The following SIGLEC10 variants were observed in gnomAD, a reference collection of about 807,000 sequenced individuals.
SIGLEC10 encodes the protein sialic acid binding Ig like lectin 10, also known as sialic acid-binding Ig-like lectin 10.
A neutral mutation model predicts 68.3 loss-of-function variants in SIGLEC10; 45 were observed. The observed-to-expected ratio is 0.66, with a 90% CI of 0.52 to 0.84. SIGLEC10 has a LOEUF of 0.84. SIGLEC10 is among the 40% of genes least tolerant of loss of function. SIGLEC10 has a pLI of 0.00. For missense variants in SIGLEC10, 789 were observed against 883.1 expected, an observed-to-expected ratio of 0.89 and a Z score of 1.35; for synonymous variants, 379 against 370.8, an observed-to-expected ratio of 1.02 and a Z score of -0.26.
rs1012913698 is a variant in SIGLEC10 at position 51,410,854 on chromosome 19, G to T, written c.*245C>A. 2.5e-6 allele frequency: 1 copy of T among 399,780 alleles called. No individual in the cohort carries two copies. The highest frequency in any genetic ancestry group is 2.0e-5 in the African/African-American group (1 of 50,306). 24.8% of individuals were successfully genotyped at this position (399,780 alleles called of 1,614,324 possible). On this transcript the variant is annotated 3_prime_UTR_variant, in exon 11 of 11. Coordinates refer to ENST00000339313, the MANE Select transcript of SIGLEC10 (RefSeq NM_033130.5). ...AGTAGAGACGGGGTTTCACCAAGTT[G>T]GCCAGGCTGGTCTCGAACTCCCGAC...
intron 6 of SIGLEC10, 42 bp from the exon 7 acceptor site, chr19:51,415,480 C>T (rs753863607): frequency 6.2e-7 from 1 of 1,613,406 alleles, no homozygotes; most frequent in Non-Finnish European, 8.5e-7. Flanking sequence ...GCTCAGGGCT[C>T]AGGGACCCTC....
At chr19:51,415,729 G>T in intron 5 of SIGLEC10, 114 bp from the exon 6 acceptor site, 1 of 1,584,332 alleles carries the variant, frequency 6.3e-7, no homozygotes. Context: ...GGGCAGGGCA[G>T]AATCACCCAC....
Position 51,410,578 on chromosome 19 carries a change from GA to G in SIGLEC10, c.*520del, listed in dbSNP as rs1333077079. ...TCACCATGTTGCCCAGGCTGGTCTCGAACTCCTGGGCTCAAGCAATCCACCC... is the reference window on the plus strand; with the variant it reads ...TCACCATGTTGCCCAGGCTGGTCTCGACTCCTGGGCTCAAGCAATCCACCC... On this transcript the variant is annotated 3_prime_UTR_variant, in exon 11 of 11. Transcript: ENST00000339313. 3 of 153,654 alleles carry G rather than the reference GA, an allele frequency of 2.0e-5. No homozygotes were observed. Among genetic ancestry groups the G allele is most frequent in the African/African-American group, 4.8e-5 (2 of 41,328 alleles). 9.5% of individuals were successfully genotyped at this position (153,654 alleles called of 1,614,324 possible). A position where few individuals can be genotyped will look rare whatever the true frequency, so the allele number is the denominator to read the frequency against.
At chr19:51,416,427 A>G in intron 3 of SIGLEC10, 70 bp from the exon 4 acceptor site, 1 of 1,613,212 alleles carries the variant, frequency 6.2e-7, no homozygotes, top group South Asian at 1.1e-5. Context: ...AAACTCCCTC[A>G]GGGAAAAGAA....
chr19:51,416,971 G>T, intron 2 of SIGLEC10, 21 bp from the exon 3 acceptor site: 3 of 1,601,316 alleles, frequency 1.9e-6, no homozygotes, highest in Non-Finnish European at 2.6e-6. Context: ...GACCGTGGTG[G>T]GAGATTCTTG....
At position 51,415,005 on chromosome 19, in the gene SIGLEC10, A is replaced by G; in HGVS notation, c.1434T>C (p.Leu478=). Residue 478 remains leucine, a synonymous_variant, in exon 8 of 11, where the codon CTT becomes CTC. Transcript: ENST00000339313. Reference sequence around the variant, plus strand: ...TGTTCCCCTCCAGCAGCTCCTCCCCAAGCCACCAGCGCAGAGAGGGGGCCG... The same window carrying G: ...TGTTCCCCTCCAGCAGCTCCTCCCCGAGCCACCAGCGCAGAGAGGGGGCCG... ...ASPAPSLRWW[L]GEELLEGNSS... 3 of 1,612,166 alleles carry G rather than the reference A, an allele frequency of 1.9e-6. No homozygotes were observed. Among genetic ancestry groups the G allele is most frequent in the Non-Finnish European group, 2.5e-6 (3 of 1,179,660 alleles).
chr19:51,413,779 C>G lies in SIGLEC10; in HGVS notation c.1754G>C (p.Arg585Thr). The G allele has an allele frequency of 6.2e-7, 1 of 1,614,080 alleles. No individual in the cohort carries two copies. The highest frequency in any genetic ancestry group is 8.5e-7 in the Non-Finnish European group (1 of 1,180,020). The part of the protein sequence containing the change: ...PKRRTQTETP[R>T]PRFSRHSTIL... ...CGTGCTGTGCCGGGAGAACCTGGGC[C>G]TCGGGGTTTCTGTCTGAGTCCGTCT... The change falls in exon 10 of 11, where the codon AGG (arginine) becomes ACG (threonine). Residue 585 changes from arginine to threonine, a missense_variant. Physicochemically the swap from Arg to Thr is moderately conservative, Grantham distance 71. Coordinates refer to ENST00000339313, the MANE Select transcript of SIGLEC10 (RefSeq NM_033130.5).
At position 51,410,962 on chromosome 19, in the gene SIGLEC10, AAAAGAGAGAG is replaced by A. The variant is rs1987936819; in HGVS notation, c.*127_*136del. ...CTGTGCCCTGGCCAGATGTTTTTTT[AAAAGAGAGAG>A]AAAGAGAGAGAGAGAGAGAAAGAGA... On this transcript the variant is annotated 3_prime_UTR_variant, in exon 11 of 11. Coordinates refer to ENST00000339313, the MANE Select transcript of SIGLEC10 (RefSeq NM_033130.5). 3.7e-6 allele frequency: 4 copies of A among 1,093,392 alleles called. No homozygotes were observed. Among genetic ancestry groups the A allele is most frequent in the South Asian group, 3.2e-5 (2 of 62,670 alleles). The allele number at this position is 1,093,392 out of a possible 1,614,324, so 67.7% of individuals were successfully genotyped here. A position where few individuals can be genotyped will look rare whatever the true frequency, so the allele number is the denominator to read the frequency against.
intron 10 of SIGLEC10, among the ~76,000 whole-genome samples, chr19:51,412,328 G>C (rs1988096354): frequency 6.6e-6 from 1 of 151,906 alleles, no homozygotes; most frequent in Non-Finnish European, 1.5e-5. Context: ...GAACTGGCTT[G>C]GTTGTATTTT....
chr19:51,411,820 C>T (rs968123016), intron 10 of SIGLEC10, among the ~76,000 whole-genome samples: 4 of 146,148 alleles, frequency 2.7e-5, no homozygotes, highest in African/African-American at 7.6e-5. Context: ...CACTCCAGCC[C>T]GGACAACAGA....
In SIGLEC10 at chr19:51,415,967, C is replaced by T; in HGVS notation, c.955G>A (p.Gly319Arg). The change falls in exon 5 of 11, where the codon GGG becomes AGG. Residue 319 changes from glycine to arginine, a missense_variant. Physicochemically the swap from Gly to Arg is moderately radical, Grantham distance 125. Coordinates refer to ENST00000339313, the MANE Select transcript of SIGLEC10 (RefSeq NM_033130.5). ...ELPGVKAGDS[G>R]RYTCRAENRL... is the part of the protein sequence containing the mutation. ...TTCTCCGCTCGGCAGGTGTAGCGCCCTGAATCCCCAGCCTTCACCCCGGGC... is the reference window on the plus strand; with the variant it reads ...TTCTCCGCTCGGCAGGTGTAGCGCCTTGAATCCCCAGCCTTCACCCCGGGC... The T allele has an allele frequency of 6.2e-7, 1 of 1,613,662 alleles. No individual in the cohort carries two copies. The highest frequency in any genetic ancestry group is 8.5e-7 in the Non-Finnish European group (1 of 1,180,012).
chr19:51,417,241 C>T lies in SIGLEC10; in HGVS notation c.262G>A (p.Gly88Ser), dbSNP rs1157755914. 1.2e-6 allele frequency: 2 copies of T among 1,614,226 alleles called. No homozygotes were observed. The highest frequency in any genetic ancestry group is 1.7e-5 in the Admixed American group (1 of 60,026). The change falls in exon 2 of 11, where the codon GGC becomes AGC. Residue 88 changes from glycine (G) to serine (S), a missense_variant. By Grantham distance (56) the Gly-to-Ser change is moderately conservative. Transcript: ENST00000339313. Reference sequence around the variant, plus strand: ...GGATCCCCAGTGAGCTGGAATCGGCCCCGGGTGCTCATTTCCACCTCTCGA... The same window carrying T: ...GGATCCCCAGTGAGCTGGAATCGGCTCCGGGTGCTCATTTCCACCTCTCGA... ...QSREVEMSTR[G>S]RFQLTGDPAK... is the part of the protein sequence containing the mutation.
At position 51,416,964 on chromosome 19, in the gene SIGLEC10, C is replaced by T. The variant is rs745642724; in HGVS notation, c.422-14G>A. ...TCTGAGTCAGGGCTGGGACAGAGAC[C>T]GTGGTGGGAGATTCTTGTGCTGCAG... On this transcript the variant is annotated splice_polypyrimidine_tract_variant and intron_variant, in intron 2 of 10. Transcript: ENST00000339313. 4.4e-6 allele frequency: 7 copies of T among 1,603,628 alleles called. No homozygotes were observed. The highest frequency in any genetic ancestry group is 1.7e-5 in the Admixed American group (1 of 59,426).
rs1988208286 is a variant in SIGLEC10, at chr19:51,413,564, T to C, written c.1821+148A>G. On this transcript the variant is annotated intron_variant, in intron 10 of 10. Coordinates refer to ENST00000339313, the MANE Select transcript of SIGLEC10 (RefSeq NM_033130.5). Reference sequence around the variant, plus strand: ...GGTGAGTGACGTGGCTGAGGTCTCATAGCTAGTAAGTGCCAGGCAGGATTT... The same window carrying C: ...GGTGAGTGACGTGGCTGAGGTCTCACAGCTAGTAAGTGCCAGGCAGGATTT... 7 of 666,650 alleles carry C rather than the reference T, an allele frequency of 1.1e-5. No homozygotes were observed. In the South Asian group the frequency reaches 1.3e-4, roughly 12 times the overall value. The allele number at this position is 666,650 out of a possible 1,614,324, so 41.3% of individuals were successfully genotyped here.
chr19:51,414,040 C>T lies in SIGLEC10; in HGVS notation c.1710-217G>A, dbSNP rs560701391. Among the ~76,000 whole-genome samples the T allele has an allele frequency of 4.6e-5, 7 of 152,296 alleles. No homozygotes were observed. In the South Asian group the frequency reaches 1.0e-3, roughly 23 times the overall value. On this transcript the variant is annotated intron_variant, in intron 9 of 10. Transcript: ENST00000339313. This position sits in a 1 kb window ranked among gnomAD's most constrained non-coding sequence, Gnocchi z 4.1. ...GTCAGGGGAAGAAGAAGAGGGTTCCCTGCTACTAGTGAGCCAGGGCAGCTG... is the reference window on the plus strand; with the variant it reads ...GTCAGGGGAAGAAGAAGAGGGTTCCTTGCTACTAGTGAGCCAGGGCAGCTG...
chr19:51,415,074 C>G lies in SIGLEC10; in HGVS notation c.1365G>C (p.Trp455Cys). 6.3e-7 allele frequency: 1 copy of G among 1,584,124 alleles called. No individual in the cohort carries two copies. ...SPKLLGPSCS[W>C]EAEGLHCSCS... ...AGCTGCAGTGCAGACCCTCAGCCTC[C>G]CAGGAGCAGGAGGGGCCCAGCAGCT... The change falls in exon 8 of 11, where the codon TGG becomes TGC. Residue 455 changes from tryptophan to cysteine, a missense_variant. Trp to Cys is a radical substitution (Grantham distance 215, BLOSUM62 -2). Coordinates refer to ENST00000339313, the MANE Select transcript of SIGLEC10 (RefSeq NM_033130.5).
In SIGLEC10 at chr19:51,415,464, T is replaced by C. The variant is rs767579442; in HGVS notation, c.1073-26A>G. 112 of 1,609,998 alleles carry C rather than the reference T, an allele frequency of 7.0e-5. 1 individual carries two copies. The highest frequency in any genetic ancestry group is 5.0e-4 in the Middle Eastern group (3 of 6,056). ...CTAGGGAAGGAAGAGGCAGAATCGA[T>C]GAGCAGCTCAGGGCTCAGGGACCCT... On this transcript the variant is annotated intron_variant, in intron 6 of 10. Transcript: ENST00000339313.
rs769629798 is a variant in SIGLEC10 at position 51,415,330 on chromosome 19, T to C, written c.1181A>G (p.Gln394Arg). ...SSPPARLSWT[Q>R]RGQVLSPSQP... ...GGAGGGGCTCAGAACCTGTCCCCTC[T>C]GGGTCCAGCTCAGCCTGGCTGGGGG... is the stretch of plus-strand genomic sequence containing the variant. Residue 394 changes from glutamine (Q) to arginine (R), a missense_variant, in exon 7 of 11, where the codon CAG becomes CGG. By Grantham distance (43) the Gln-to-Arg change is conservative. Coordinates refer to ENST00000339313, the MANE Select transcript of SIGLEC10 (RefSeq NM_033130.5). 4 of 1,613,662 alleles carry C rather than the reference T, an allele frequency of 2.5e-6. No homozygotes were observed. Among genetic ancestry groups the C allele is most frequent in the Non-Finnish European group, 1.7e-6 (2 of 1,179,748 alleles).
Position 51,417,353 on chromosome 19 carries a change from C to T in SIGLEC10, c.150G>A (p.Trp50Ter). 1 of 1,614,206 alleles carries T rather than the reference C, an allele frequency of 6.2e-7. No homozygotes were observed. The highest frequency in any genetic ancestry group is 8.5e-7 in the Non-Finnish European group (1 of 1,180,040). Residue 50 changes from tryptophan to a stop codon, truncating the protein, a stop_gained, in exon 2 of 11, where the codon TGG becomes TGA. Coordinates refer to ENST00000339313, the MANE Select transcript of SIGLEC10 (RefSeq NM_033130.5). LOFTEE classifies it high-confidence loss of function. ...PCSFSYPRQDWTGSTPAYGYW... is the reference protein window; with the variant it reads ...PCSFSYPRQD ...AGCCATAAGCTGGGGTAGACCCTGTCCAGTCCTGTCGGGGGTAGGAGAAAG... is the reference window on the plus strand; with the variant it reads ...AGCCATAAGCTGGGGTAGACCCTGTTCAGTCCTGTCGGGGGTAGGAGAAAG...
Sources: gnomAD v4.1 joint callset for allele counts (sites outside exome capture counted in the v4.1 genomes callset) on GRCh38, gnomAD v4.1.1 for gene constraint, Gnocchi (gnomAD v3.1) non-coding constraint, MANE v1.5 for transcripts, NCBI Gene and HGNC (gene_info 2026-07-23, HGNC 2026-07-21) for gene names.